ITGB5: variants seen among roughly 807,000 people sequenced by gnomAD.
The protein encoded by ITGB5 is integrin subunit beta 5.
In ITGB5, 38 loss-of-function variants were observed where a neutral mutation model predicts 84.8. The ratio of observed to expected loss-of-function variants is 0.45; its 90% CI spans 0.35 to 0.59. The LOEUF is 0.59. ITGB5 is among the 20% of genes least tolerant of loss of function. The probability of loss-of-function intolerance (pLI) is 0.01; values close to 1 mark genes in which losing one functional copy is unlikely to be tolerated. For missense variants in ITGB5, 905 were observed against 1,034.5 expected (o/e 0.87, Z 1.72); for synonymous variants, 393 against 414.4 (o/e 0.95, Z 0.63).
chr3:124,824,816 C>A (rs1488469276), intron 5 of ITGB5, among the ~76,000 whole-genome samples: 1 of 152,090 alleles, frequency 6.6e-6, no homozygotes, highest in Non-Finnish European at 1.5e-5. Context: ...TAAGGAAATG[C>A]AAATTTGAAC....
At chr3:124,807,705 G>A (rs562496274) in intron 9 of ITGB5, among the ~76,000 whole-genome samples, 5 of 151,942 alleles carry the variant, frequency 3.3e-5, no homozygotes, top group Admixed American at 2.0e-4. Flanking sequence ...CAGCACTTTC[G>A]GAGGCCGAGG....
intron 13 of ITGB5, among the ~76,000 whole-genome samples, chr3:124,765,367 G>A (rs2063751430): frequency 6.6e-6 from 1 of 152,182 alleles, no homozygotes; most frequent in Non-Finnish European, 1.5e-5. Context: ...GGAGCAGCAG[G>A]AATGTTGAAC....
intron 11 of ITGB5, among the ~76,000 whole-genome samples, chr3:124,770,556 C>T (rs771756023): frequency 2.6e-4 from 40 of 152,152 alleles, no homozygotes; most frequent in African/African-American, 8.4e-4. Flanking sequence ...GCAGAAACTG[C>T]GAAGTGGAGG....
intron 3 of ITGB5, among the ~76,000 whole-genome samples, chr3:124,856,732 C>T (rs1370077078): frequency 3.9e-5 from 6 of 152,308 alleles, no homozygotes; most frequent in South Asian, 4.1e-4. Flanking sequence ...TTATACAACA[C>T]GATGTTCCAA....
chr3:124,804,539 C>A (rs1369559225), intron 9 of ITGB5, among the ~76,000 whole-genome samples: 1 of 151,944 alleles, frequency 6.6e-6, no homozygotes, highest in South Asian at 2.1e-4. Flanking sequence ...AAGAGCAAGA[C>A]CCTGTCTCTA....
chr3:124,893,928 G>A (rs1232970259), intron 1 of ITGB5, among the ~76,000 whole-genome samples: 1 of 152,028 alleles, frequency 6.6e-6, no homozygotes, highest in Non-Finnish European at 1.5e-5. Context: ...TTTCTCTGAC[G>A]CTGTTAAGAA....
intron 8 of ITGB5, 65 bp from the exon 9 acceptor site, chr3:124,809,221 C>A: frequency 6.3e-7 from 1 of 1,578,002 alleles, no homozygotes; most frequent in South Asian, 1.1e-5. Context: ...TGCTCCCACA[C>A]TGGTTTTCTG....
chr3:124,830,577 T>C (rs958150421), intron 5 of ITGB5, among the ~76,000 whole-genome samples: 3 of 152,170 alleles, frequency 2.0e-5, no homozygotes, highest in Non-Finnish European at 4.4e-5. Context: ...CCTCAGAGGT[T>C]CTTGTACAGC....
At chr3:124,764,280 T>C in intron 14 of ITGB5, 111 bp downstream of exon 14, 1 of 1,168,870 alleles carries the variant, frequency 8.6e-7, no homozygotes, top group South Asian at 1.6e-5. Context: ...GTTGATTCTT[T>C]TGTTTTTAAT....
chr3:124,817,282 T>C (rs1345382370), intron 8 of ITGB5, among the ~76,000 whole-genome samples: 1 of 152,140 alleles, frequency 6.6e-6, no homozygotes, highest in Non-Finnish European at 1.5e-5. Context: ...GCCTGGGCAC[T>C]GGGTAGGTGG....
chr3:124,841,046 T>G (rs1353207893), intron 5 of ITGB5, among the ~76,000 whole-genome samples: 1 of 152,236 alleles, frequency 6.6e-6, no homozygotes, highest in South Asian at 2.1e-4. Flanking sequence ...CTCTACAAGC[T>G]TCTATGCCTA....
chr3:124,860,344 C>A (rs564534243), intron 2 of ITGB5, among the ~76,000 whole-genome samples: 4 of 151,372 alleles, frequency 2.6e-5, no homozygotes, highest in South Asian at 2.1e-4. Context: ...GAAAAAAAAA[C>A]CCAAAATATA....
At chr3:124,802,655 C>A (rs182614074) in intron 9 of ITGB5, among the ~76,000 whole-genome samples, 1 of 152,298 alleles carries the variant, frequency 6.6e-6, no homozygotes, top group African/African-American at 2.4e-5. Flanking sequence ...GAACATGGAC[C>A]CCATATTTTC....
At chr3:124,833,464 A>G (rs1477423853) in intron 5 of ITGB5, among the ~76,000 whole-genome samples, 2 of 152,204 alleles carry the variant, frequency 1.3e-5, no homozygotes, top group Non-Finnish European at 2.9e-5. Context: ...ATCCCAGAGG[A>G]TAGAGACTTC....
At chr3:124,781,868 G>C (rs764894993) in intron 10 of ITGB5, among the ~76,000 whole-genome samples, 4 of 152,188 alleles carry the variant, frequency 2.6e-5, no homozygotes, top group Non-Finnish European at 5.9e-5. Context: ...AGTCCTCTCT[G>C]AGCAGTGCTG....
Position 124,898,643 on chromosome 3 carries a change from C to CAAA in ITGB5, c.-255+2620_-255+2622dup, listed in dbSNP as rs68025034. On this transcript the variant is annotated intron_variant, in intron 1 of 4. Coordinates refer to the ITGB5 transcript ENST00000608657. The stretch of plus-strand genomic sequence containing the variant: ...TAGGCGACACAGCGAGACTCCGTCT[C>CAAA]AAAAAAAAAAAAAAAAAAAAAAAAA... 9.9e-4 allele frequency among the ~76,000 whole-genome samples: 29 copies of CAAA among 29,274 alleles called. 1 individual carries two copies. Among genetic ancestry groups the CAAA allele is most frequent in the Admixed American group, 1.9e-3 (3 of 1,614 alleles). The allele number at this position is 29,274 out of a possible 152,430, so 19.2% of individuals were successfully genotyped here. A position where few individuals can be genotyped will look rare whatever the true frequency, so the allele number is the denominator to read the frequency against.
At chr3:124,880,504 A>G (rs1293124629) in intron 1 of ITGB5, among the ~76,000 whole-genome samples, 1 of 152,160 alleles carries the variant, frequency 6.6e-6, no homozygotes, top group Non-Finnish European at 1.5e-5. Flanking sequence ...GATCCCAACA[A>G]TTTGCAAGGA....
intron 10 of ITGB5, among the ~76,000 whole-genome samples, chr3:124,783,337 C>G (rs1240944046): frequency 6.7e-6 from 1 of 150,050 alleles, no homozygotes. Context: ...ATTAAACAGA[C>G]CTGAGCATGT....
At chr3:124,890,034 ATGCCCT>A (rs1373470869), upstream of ITGB5, among the ~76,000 whole-genome samples, 5 of 151,854 alleles carry the variant, frequency 3.3e-5, no homozygotes, top group East Asian at 9.7e-4. Flanking sequence ...CAATCAATCA[ATGCCCT>A]GAAAGAGCTT....
Sources: gnomAD v4.1 joint callset for allele counts (sites outside exome capture counted in the v4.1 genomes callset) on GRCh38, gnomAD v4.1.1 for gene constraint, MANE v1.5 for transcripts, NCBI Gene and HGNC (gene_info 2026-07-23, HGNC 2026-07-21) for gene names.